Variants in LNX1 observed in about 807,000 individuals in gnomAD.
LNX1 encodes the protein ligand of numb-protein X 1, also known as E3 ubiquitin-protein ligase LNX.
In LNX1, 54 loss-of-function variants were observed where a neutral mutation model predicts 68.4. The observed-to-expected ratio is 0.79, with a 90% CI of 0.63 to 0.99. The LOEUF is 0.99. LNX1 is among the 50% of genes least tolerant of loss of function. The pLI, the probability that LNX1 is intolerant of heterozygous loss-of-function variation, is 0.00. For synonymous variants in LNX1, 336 were observed against 350.0 expected (o/e 0.96, Z 0.45); for missense variants, 906 against 926.4 (o/e 0.98, Z 0.29).
chr4:53,527,500 A>G (rs1228071015), intron 2 of LNX1, among the ~76,000 whole-genome samples: 1 of 152,204 alleles, frequency 6.6e-6, no homozygotes, highest in African/African-American at 2.4e-5. Context: ...GTTATTAACA[A>G]AAGTTCTTAG....
chr4:53,557,968 T>C (rs1334547485), intron 2 of LNX1: 3 of 1,613,486 alleles, frequency 1.9e-6, no homozygotes, highest in African/African-American at 2.7e-5. Context: ...GCCTTCATTC[T>C]CCGAGCAGTG....
chr4:53,536,395 A>C (rs1192790574), intron 2 of LNX1, among the ~76,000 whole-genome samples: 2 of 152,180 alleles, frequency 1.3e-5, no homozygotes, highest in Non-Finnish European at 2.9e-5. Flanking sequence ...AGGAACTCTT[A>C]CAAAAATGGT....
intron 2 of LNX1, among the ~76,000 whole-genome samples, chr4:53,559,626 C>G (rs1042082591): frequency 6.6e-6 from 1 of 152,026 alleles, no homozygotes; most frequent in African/African-American, 2.4e-5. Flanking sequence ...AAGGGCTTAA[C>G]GAGTATTAGC....
At chr4:53,527,797 G>A (rs1045603494) in intron 2 of LNX1, among the ~76,000 whole-genome samples, 2 of 152,102 alleles carry the variant, frequency 1.3e-5, no homozygotes, top group African/African-American at 2.4e-5. Flanking sequence ...ACTGGACTTC[G>A]TGAGGACAAT....
Position 53,508,019 on chromosome 4 carries a change from G to A in LNX1, c.589C>T (p.Pro197Ser). The change falls in exon 3 of 11, where the codon CCA becomes TCA. Residue 197 changes from proline to serine, a missense_variant. Pro to Ser is a moderately conservative substitution (Grantham distance 74, BLOSUM62 -1). Coordinates refer to ENST00000263925, the MANE Select transcript of LNX1 (RefSeq NM_001126328.3). ...CGGTTGCTCCGGCCAGAGTCCACTG[G>A]GCTGATTGCTGGCTGCCCGTCCTCT... ...SAEDGQPAISPVDSGRSNRTR... is the reference protein window; with the variant it reads ...SAEDGQPAISSVDSGRSNRTR... 1 of 1,614,096 alleles carries A rather than the reference G, an allele frequency of 6.2e-7. No individual in the cohort carries two copies. The highest frequency in any genetic ancestry group is 8.5e-7 in the Non-Finnish European group (1 of 1,179,994).
Position 53,573,888 on chromosome 4 carries a change from G to C in LNX1, c.115C>G (p.Leu39Val), listed in dbSNP as rs908086474. Reference protein sequence around the residue: ...YSYPEEVDDDLICHICLQALL... With the variant: ...YSYPEEVDDDVICHICLQALL... ...GCCTGCAGGCAGATGTGGCAGATGAGGTCATCATCCACTTCCTCTGGATAG... is the reference window on the plus strand; with the variant it reads ...GCCTGCAGGCAGATGTGGCAGATGACGTCATCATCCACTTCCTCTGGATAG... Residue 39 changes from leucine to valine, a missense_variant, in exon 2 of 11, where the codon CTC (leucine) becomes GTC (valine). Coordinates refer to ENST00000263925, the MANE Select transcript of LNX1 (RefSeq NM_001126328.3). 6.2e-7 allele frequency: 1 copy of C among 1,613,792 alleles called. No homozygotes were observed. The highest frequency in any genetic ancestry group is 1.3e-5 in the African/African-American group (1 of 75,054).
At chr4:53,550,165 G>A (rs1389645236) in intron 2 of LNX1, among the ~76,000 whole-genome samples, 1 of 152,230 alleles carries the variant, frequency 6.6e-6, no homozygotes, top group Non-Finnish European at 1.5e-5. Flanking sequence ...CAATGTAAAT[G>A]AATGAGGGCC....
At chr4:53,543,188 T>C (rs766442166) in intron 2 of LNX1, among the ~76,000 whole-genome samples, 78 of 152,240 alleles carry the variant, frequency 5.1e-4, no homozygotes, top group Non-Finnish European at 9.8e-4. Flanking sequence ...CGAAGGTCAG[T>C]TGCCCTCATG....
chr4:53,531,667 G>A (rs1382459979), intron 2 of LNX1, among the ~76,000 whole-genome samples: 4 of 152,126 alleles, frequency 2.6e-5, no homozygotes, highest in Non-Finnish European at 4.4e-5. Flanking sequence ...ACTCATAATC[G>A]TGTAAACTGT....
intron 4 of LNX1, among the ~76,000 whole-genome samples, chr4:53,503,277 G>T (rs561220805): frequency 1.1e-4 from 16 of 152,308 alleles, no homozygotes; most frequent in African/African-American, 3.6e-4. Flanking sequence ...ATCCTTTCCA[G>T]AAGGTTTTCA....
chr4:53,461,638 A>C (rs751032595), intron 9 of LNX1, 45 bp from the exon 10 acceptor site: 7 of 1,468,832 alleles, frequency 4.8e-6, no homozygotes, highest in Non-Finnish European at 5.6e-6. Context: ...TAAGTTTCAC[A>C]GTTAAGGGAA....
rs562252330 is a variant in LNX1 at position 53,559,186 on chromosome 4, G to A, written c.380+14437C>T. ...GAGACGAGTTGCAATGAACTGCGTA[G>A]TCATTAGGAATTTGGCATCAGAGGC... On this transcript the variant is annotated intron_variant, in intron 2 of 10. Coordinates refer to ENST00000263925, the MANE Select transcript of LNX1 (RefSeq NM_001126328.3). 3.3e-5 allele frequency among the ~76,000 whole-genome samples: 5 copies of A among 152,326 alleles called. No individual in the cohort carries two copies. The South Asian group carries it at 6.2e-4, about 19-fold the overall frequency.
chr4:53,539,249 G>A (rs1294104352), intron 2 of LNX1: 1 of 152,280 alleles, frequency 6.6e-6, no homozygotes, highest in African/African-American at 2.4e-5. Context: ...AGGGATGCTC[G>A]AGGCCAGGGT....
chr4:53,471,231 G>T (rs1214184110), intron 9 of LNX1, among the ~76,000 whole-genome samples: 2 of 151,830 alleles, frequency 1.3e-5, no homozygotes, highest in South Asian at 4.2e-4. Context: ...ACAAAAACAA[G>T]CAATGGGGAA....
At chr4:53,461,151 T>C in intron 10 of LNX1, 109 bp from the exon 11 acceptor site, 1 of 860,886 alleles carries the variant, frequency 1.2e-6, no homozygotes, top group Non-Finnish European at 1.7e-6. Flanking sequence ...CCATTTTAAT[T>C]ATGTTAACTT....
chr4:53,529,388 T>C (rs564998216), intron 2 of LNX1, among the ~76,000 whole-genome samples: 3 of 152,260 alleles, frequency 2.0e-5, no homozygotes, highest in South Asian at 4.2e-4. Context: ...CTAGAGGCCA[T>C]TGCAACAGAA....
intron 2 of LNX1, among the ~76,000 whole-genome samples, chr4:53,508,599 C>A (rs575591263): frequency 2.2e-4 from 34 of 152,272 alleles, no homozygotes; most frequent in African/African-American, 6.0e-4. Context: ...CCATGAAAGC[C>A]CTTAGTCACA....
chr4:53,496,583 C>A, intron 5 of LNX1, 189 bp from the exon 6 acceptor site: 1 of 635,286 alleles, frequency 1.6e-6, no homozygotes, highest in Middle Eastern at 4.3e-4. Flanking sequence ...TGGCCTGCAG[C>A]ACCTCTCCAG....
intron 1 of LNX1, among the ~76,000 whole-genome samples, chr4:53,627,179 A>AAAGCG (rs1174955298): frequency 1.3e-5 from 2 of 152,220 alleles, no homozygotes; most frequent in Non-Finnish European, 2.9e-5. Context: ...AGGGAGAAGG[A>AAAGCG]AAGCGTAGCT....
Sources: allele counts gnomAD v4.1 joint callset (sites outside exome capture counted in the v4.1 genomes callset), GRCh38; gene constraint gnomAD v4.1.1; transcripts MANE v1.5; gene names NCBI Gene and HGNC (gene_info 2026-07-23, HGNC 2026-07-21).